The following PLCH2 variants were observed in gnomAD, a reference collection of about 807,000 sequenced individuals.
The protein encoded by PLCH2 is phospholipase C eta 2.
PLCH2 carries 98 observed loss-of-function variants against 134.7 expected under a neutral mutation model. That is an observed-to-expected ratio of 0.73 (90% CI 0.62 to 0.86). The LOEUF (loss-of-function observed/expected upper bound fraction) is 0.86, where lower values mean the gene tolerates loss of function less well. Ranked by LOEUF, PLCH2 falls within the 40% of genes least tolerant of loss-of-function variation. The pLI is 0.00. For synonymous variants in PLCH2, 974 were observed against 827.5 expected (o/e 1.18, Z -3.04); for missense variants, 1,994 against 1,986.6 (o/e 1.00, Z -0.07).
At chr1:2,458,843 C>T (rs893156339) in intron 2 of PLCH2, among the ~76,000 whole-genome samples, 2 of 152,266 alleles carry the variant, frequency 1.3e-5, no homozygotes, top group African/African-American at 4.8e-5. Context: ...TTCTAATCTG[C>T]ACTTATGCAA....
intron 2 of PLCH2, among the ~76,000 whole-genome samples, chr1:2,452,806 G>A (rs772070562): frequency 2.0e-5 from 3 of 152,232 alleles, no homozygotes; most frequent in Non-Finnish European, 2.9e-5. Flanking sequence ...TCAGCTGACC[G>A]CCGCTGGGCC....
Position 2,484,491 on chromosome 1 carries a change from A to G in PLCH2, c.689A>G (p.Glu230Gly), listed in dbSNP as rs543603114. The change falls in exon 5 of 22, where the codon GAG becomes GGG. Residue 230 changes from glutamate to glycine, a missense_variant. Around this residue, in one of 2 missense-constraint regions of PLCH2, gnomAD observed 1,094 missense variants for 1,234.3 expected, o/e 0.89. Transcript: ENST00000378486. ...CACCAAGGGACGCTGGGTTTTGAAGAGTTCTGTGCCTTCTACAAGATGATG... is the reference window on the plus strand; with the variant it reads ...CACCAAGGGACGCTGGGTTTTGAAGGGTTCTGTGCCTTCTACAAGATGATG... ...DDHQGTLGFE[E>G]FCAFYKMMST... 5 of 1,613,324 alleles carry G rather than the reference A, an allele frequency of 3.1e-6. No homozygotes were observed. The South Asian group carries it at 5.5e-5, about 18-fold the overall frequency.
At chr1:2,429,182 C>G (rs1638948456) in intron 1 of PLCH2, among the ~76,000 whole-genome samples, 1 of 152,154 alleles carries the variant, frequency 6.6e-6, no homozygotes, top group African/African-American at 2.4e-5. Context: ...CCTGCCAGGG[C>G]TCCTTCTAGG....
chr1:2,479,980 A>T lies in PLCH2; in HGVS notation c.515+3A>T. 1 of 1,602,768 alleles carries T rather than the reference A, an allele frequency of 6.2e-7. No individual in the cohort carries two copies. On this transcript the variant is annotated splice_donor_region_variant and intron_variant, in intron 3 of 21. Transcript: ENST00000378486. ...CGCCGCCAGCGCACCAGGGACCAAT[A>T]TCCTTGGGCACCTATCGGGCAATGC...
chr1:2,420,219 T>C, the PLCH2 span, among the ~76,000 whole-genome samples: 2 of 152,044 alleles, frequency 1.3e-5, no homozygotes, highest in Non-Finnish European at 2.9e-5. Flanking sequence ...AAGACTTGGA[T>C]CCCAAAGGAG....
chr1:2,470,724 C>T (rs933788769), intron 1 of PLCH2, among the ~76,000 whole-genome samples: 3 of 152,172 alleles, frequency 2.0e-5, no homozygotes, highest in Non-Finnish European at 2.9e-5. Flanking sequence ...AGGACCCTCC[C>T]CTTGGAGCTG....
At chr1:2,497,902 C>T (rs920219094) in intron 16 of PLCH2, 10 of 390,492 alleles carry the variant, frequency 2.6e-5, no homozygotes, top group African/African-American at 1.8e-4. Context: ...GTCTGAGGGG[C>T]CCCAGTGCCA....
chr1:2,499,231 G>C lies in PLCH2; in HGVS notation c.2581+1G>C. ...CTGGCCTTCAGCAGCATGATGCCAGGTGGGCAGGAGTGGACACGGTGCCCC... is the reference window on the plus strand; with the variant it reads ...CTGGCCTTCAGCAGCATGATGCCAGCTGGGCAGGAGTGGACACGGTGCCCC... On this transcript the variant is annotated splice_donor_variant, in intron 19 of 21. Coordinates refer to ENST00000378486, the MANE Select transcript of PLCH2 (RefSeq NM_014638.4). LOFTEE classifies it high-confidence loss of function. 1.2e-6 allele frequency: 2 copies of C among 1,612,586 alleles called. No individual in the cohort carries two copies. The highest frequency in any genetic ancestry group is 1.7e-6 in the Non-Finnish European group (2 of 1,179,678).
chr1:2,502,257 G>A lies in PLCH2; in HGVS notation c.2807G>A (p.Ser936Asn). The A allele has an allele frequency of 1.3e-6, 2 of 1,541,552 alleles. No homozygotes were observed. The highest frequency in any genetic ancestry group is 1.7e-6 in the Non-Finnish European group (2 of 1,144,714). ...LRRTASAPTK[S>N]QKPGRRGFPE... ...CGCACGGCCAGCGCCCCGACCAAGAGCCAGAAGCCGGGCCGCAGGGGCTTC... is the reference window on the plus strand; with the variant it reads ...CGCACGGCCAGCGCCCCGACCAAGAACCAGAAGCCGGGCCGCAGGGGCTTC... The change falls in exon 21 of 22, where the codon AGC (serine) becomes AAC (asparagine). Residue 936 changes from serine (S) to asparagine (N), a missense_variant. Ser to Asn is a conservative substitution (Grantham distance 46). Transcript: ENST00000378486.
At chr1:2,495,199 G>A (rs1040321391) in intron 12 of PLCH2, among the ~76,000 whole-genome samples, 6 of 152,166 alleles carry the variant, frequency 3.9e-5, no homozygotes, top group African/African-American at 1.4e-4. Flanking sequence ...AGAAGCCTGG[G>A]CTCGGAGCTG....
In PLCH2 at chr1:2,484,457, A is replaced by G; in HGVS notation, c.655A>G (p.Thr219Ala). The change falls in exon 5 of 22, where the codon ACG becomes GCG. Residue 219 changes from threonine to alanine, a missense_variant. By Grantham distance (58) the Thr-to-Ala change is moderately conservative. Coordinates refer to ENST00000378486, the MANE Select transcript of PLCH2 (RefSeq NM_014638.4). ...RVKQMFREADTDDHQGTLGFE... is the reference protein window; with the variant it reads ...RVKQMFREADADDHQGTLGFE... ...AGGCCTTGCATTGCAGGAAGCGGAC[A>G]CGGATGACCACCAAGGGACGCTGGG... 6.2e-7 allele frequency: 1 copy of G among 1,613,182 alleles called. No individual in the cohort carries two copies. Among genetic ancestry groups the G allele is most frequent in the Non-Finnish European group, 8.5e-7 (1 of 1,179,710 alleles).
In PLCH2 at chr1:2,480,261, G is replaced by C; in HGVS notation, c.594G>C (p.Leu198=). Reference sequence around the variant, plus strand: ...GCATTGGCGAGGTCCTGCAGCTGCTGCACAAGCTCAACGTGAACCTGCCCC... The same window carrying C: ...GCATTGGCGAGGTCCTGCAGCTGCTCCACAAGCTCAACGTGAACCTGCCCC... ...SLSIGEVLQL[L]HKLNVNLPRQ... is the part of the protein sequence containing the mutation. The change falls in exon 4 of 22, where the codon CTG becomes CTC. Residue 198 remains leucine (L), a synonymous_variant. Transcript: ENST00000378486. The C allele has an allele frequency of 6.2e-7, 1 of 1,612,744 alleles. No individual in the cohort carries two copies. The highest frequency in any genetic ancestry group is 8.5e-7 in the Non-Finnish European group (1 of 1,179,816).
upstream of PLCH2, among the ~76,000 whole-genome samples, chr1:2,472,054 C>T (rs1326672508): frequency 6.6e-6 from 1 of 152,162 alleles, no homozygotes; most frequent in East Asian, 1.9e-4. Context: ...CCTGCCCTTG[C>T]TGGGACCCCT....
chr1:2,425,690 GTT>G (rs74733826), upstream of PLCH2, among the ~76,000 whole-genome samples: 4 of 142,232 alleles, frequency 2.8e-5, no homozygotes, highest in Admixed American at 7.0e-5. Flanking sequence ...ATTTTGGTGT[GTT>G]TTTTTTTTTT....
chr1:2,480,420 C>A (rs980152440), intron 4 of PLCH2, 108 bp downstream of exon 4: 2 of 1,250,066 alleles, frequency 1.6e-6, no homozygotes, highest in African/African-American at 1.5e-5. Context: ...GGGACCCTGG[C>A]AGTGCCCTCA....
Position 2,487,595 on chromosome 1 carries a change from C to T in PLCH2, c.1115-3C>T, listed in dbSNP as rs372952963. Reference sequence around the variant, plus strand: ...GGGCTGACCAAGGCCTGCCCGCCTGCAGTGGACTGCTGGGATGGGCCCGAC... The same window carrying T: ...GGGCTGACCAAGGCCTGCCCGCCTGTAGTGGACTGCTGGGATGGGCCCGAC... On this transcript the variant is annotated splice_polypyrimidine_tract_variant and splice_region_variant and intron_variant, in intron 7 of 21. Coordinates refer to ENST00000378486, the MANE Select transcript of PLCH2 (RefSeq NM_014638.4). 11 of 1,611,474 alleles carry T rather than the reference C, an allele frequency of 6.8e-6. No individual in the cohort carries two copies. Among genetic ancestry groups the T allele is most frequent in the Non-Finnish European group, 9.3e-6 (11 of 1,179,176 alleles).
chr1:2,428,978 C>T (rs546027812), intron 1 of PLCH2, among the ~76,000 whole-genome samples: 1 of 152,212 alleles, frequency 6.6e-6, no homozygotes, highest in East Asian at 1.9e-4. Flanking sequence ...TGCCCTCTCC[C>T]TGCCATCTTC....
chr1:2,477,886 C>T (rs999452131), intron 1 of PLCH2, among the ~76,000 whole-genome samples: 6 of 152,222 alleles, frequency 3.9e-5, no homozygotes, highest in Non-Finnish European at 8.8e-5. Flanking sequence ...GGCACAGGCA[C>T]TCAGGAATTC....
chr1:2,494,869 A>AGGAC lies in PLCH2; in HGVS notation c.1675_1678dup (p.Val560GlyfsTer43), dbSNP rs1642790464. ...CCCTGGACTCAGAGCAAGGCTGAAG[A>AGGAC]GGACGTGGAGTCTGGGGAGGATGCC... On this transcript the variant is annotated frameshift_variant, in exon 12 of 22. Coordinates refer to ENST00000378486, the MANE Select transcript of PLCH2 (RefSeq NM_014638.4). LOFTEE classifies it high-confidence loss of function. The AGGAC allele has an allele frequency of 5.0e-6, 8 of 1,605,808 alleles. No individual in the cohort carries two copies. The highest frequency in any genetic ancestry group is 6.8e-6 in the Non-Finnish European group (8 of 1,176,774).
Sources: allele counts gnomAD v4.1 joint callset (sites outside exome capture counted in the v4.1 genomes callset), GRCh38; gene constraint gnomAD v4.1.1; regional missense constraint gnomAD v4.1.1; transcripts MANE v1.5; gene names NCBI Gene and HGNC (gene_info 2026-07-23, HGNC 2026-07-21).